Variants in URB1 observed in about 807,000 individuals in gnomAD.
URB1 encodes URB1 ribosome biogenesis factor.
In URB1, 197 loss-of-function variants were observed where a neutral mutation model predicts 242.3. The ratio of observed to expected loss-of-function variants is 0.81; its 90% confidence interval spans 0.72 to 0.91. URB1 has a LOEUF of 0.91. URB1 is among the 40% of genes least tolerant of loss of function. The pLI, the probability that URB1 is intolerant of heterozygous loss-of-function variation, is 0.00. For synonymous variants in URB1, 1,153 were observed against 1,201.8 expected (o/e 0.96, Z 0.84); for missense variants, 2,721 against 2,860.5 (o/e 0.95, Z 1.11).
At chr21:32,360,578 T>C (rs1281407359) in intron 13 of URB1, among the ~76,000 whole-genome samples, 2 of 152,226 alleles carry the variant, frequency 1.3e-5, no homozygotes, top group Non-Finnish European at 2.9e-5. Context: ...ATTGTTACTT[T>C]TACAAGTTTG....
chr21:32,321,970 G>A lies in URB1; in HGVS notation c.5341-26C>T, dbSNP rs1034897051. 5 of 1,547,718 alleles carry A rather than the reference G, an allele frequency of 3.2e-6. No homozygotes were observed. The African/African-American group carries it at 4.1e-5, about 13-fold the overall frequency. ...CTATAACCCAGGCACACAAAAAACT[G>A]TTGTTAATAAGTGAAAGTCCTTTCA... On this transcript the variant is annotated intron_variant, in intron 33 of 38. Transcript: ENST00000382751.
At chr21:32,373,795 T>A (rs1305331878) in intron 6 of URB1, 23 bp from the exon 7 acceptor site, 2 of 1,489,840 alleles carry the variant, frequency 1.3e-6, no homozygotes, top group Non-Finnish European at 1.8e-6. Flanking sequence ...TAAAACAAAT[T>A]ATTAAAAAAC....
At chr21:32,360,620 A>T (rs1253574398) in intron 13 of URB1, among the ~76,000 whole-genome samples, 1 of 152,208 alleles carries the variant, frequency 6.6e-6, no homozygotes, top group African/African-American at 2.4e-5. Flanking sequence ...AGATGAAGTA[A>T]CTATGTCAAA....
intron 26 of URB1, 146 bp downstream of exon 26, chr21:32,338,561 G>A: frequency 1.1e-6 from 1 of 933,946 alleles, no homozygotes; most frequent in Non-Finnish European, 1.6e-6. Context: ...CCCTGGATTT[G>A]ACAGAAATAA....
At chr21:32,353,013 T>C (rs1381972081) in intron 18 of URB1, 107 bp from the exon 19 acceptor site, 2 of 1,166,756 alleles carry the variant, frequency 1.7e-6, no homozygotes, top group Non-Finnish European at 2.4e-6. Flanking sequence ...GAAAAATTCA[T>C]GCAACTCCAT....
intron 25 of URB1, 35 bp from the exon 26 acceptor site, chr21:32,338,935 C>T (rs1428705758): frequency 6.8e-7 from 1 of 1,478,170 alleles, no homozygotes; most frequent in African/African-American, 1.4e-5. Flanking sequence ...AAGAGCTTTG[C>T]TAAAAGGAAA....
intron 12 of URB1, 73 bp downstream of exon 12, chr21:32,361,819 C>G: frequency 6.7e-7 from 1 of 1,498,326 alleles, no homozygotes; most frequent in Non-Finnish European, 8.9e-7. Context: ...TGGATAGGAG[C>G]TATCCTAGGC....
chr21:32,363,477 A>T, intron 10 of URB1, 148 bp from the exon 11 acceptor site: 2 of 931,684 alleles, frequency 2.1e-6, no homozygotes, highest in South Asian at 3.6e-5. Flanking sequence ...AGAAGAGGCG[A>T]CCTGGGTACC....
intron 38 of URB1, among the ~76,000 whole-genome samples, chr21:32,315,475 G>A (rs1439911367): frequency 4.6e-5 from 7 of 152,134 alleles, no homozygotes; most frequent in East Asian, 3.9e-4. Context: ...CACCACGCCC[G>A]GCTAATTTTT....
chr21:32,374,414 C>T (rs1266908843), intron 6 of URB1, among the ~76,000 whole-genome samples: 2 of 152,108 alleles, frequency 1.3e-5, no homozygotes, highest in South Asian at 2.1e-4. Context: ...GATGCAACTC[C>T]CCCAGTTCAG....
intron 6 of URB1, 136 bp from the exon 7 acceptor site, chr21:32,373,908 T>TA: frequency 1.1e-6 from 1 of 872,958 alleles, no homozygotes; most frequent in African/African-American, 1.7e-5. Context: ...AAATTTGGTT[T>TA]AAAAAAAGGA....
intron 35 of URB1, among the ~76,000 whole-genome samples, chr21:32,320,091 G>C (rs1021744061): frequency 5.9e-5 from 9 of 152,228 alleles, no homozygotes; most frequent in Admixed American, 1.3e-4. Flanking sequence ...TGAGGACAGA[G>C]ACCCTGCACT....
intron 4 of URB1, among the ~76,000 whole-genome samples, chr21:32,380,710 C>T (rs1283580700): frequency 1.3e-5 from 2 of 152,240 alleles, no homozygotes; most frequent in African/African-American, 4.8e-5. Flanking sequence ...GATCTACACA[C>T]ACCTTGTGTT....
Position 32,385,669 on chromosome 21 carries a change from A to G in URB1, c.158T>C (p.Val53Ala), listed in dbSNP as rs1568834923. 1.3e-6 allele frequency: 2 copies of G among 1,551,612 alleles called. No homozygotes were observed. Among genetic ancestry groups the G allele is most frequent in the East Asian group, 4.9e-5 (2 of 40,926 alleles). Residue 53 changes from valine (V) to alanine (A), a missense_variant, in exon 2 of 39, where the codon GTG becomes GCG. Physicochemically the swap from Val to Ala is moderately conservative, Grantham distance 64. Transcript: ENST00000382751. Reference protein sequence around the residue: ...QGPGPGLEAFVSAAKKLPRED... With the variant: ...QGPGPGLEAFASAAKKLPRED... ...TCGTGGTAGCTTCTTGGCAGCAGAC[A>G]CAAACGCTTCCAAGCCTGAAAAAAA...
At chr21:32,334,731 G>T (rs921626574) in intron 28 of URB1, among the ~76,000 whole-genome samples, 13 of 152,182 alleles carry the variant, frequency 8.5e-5, no homozygotes, top group Non-Finnish European at 8.8e-5. Context: ...CAGATGGTAT[G>T]TTGCAGGGCT....
chr21:32,369,146 C>T (rs2033379689), intron 8 of URB1, among the ~76,000 whole-genome samples: 1 of 152,132 alleles, frequency 6.6e-6, no homozygotes, highest in Non-Finnish European at 1.5e-5. Context: ...AGTTCAAGAC[C>T]TTGGCCTTGA....
At chr21:32,339,183 G>A (rs982854338) in intron 25 of URB1, among the ~76,000 whole-genome samples, 5 of 152,084 alleles carry the variant, frequency 3.3e-5, no homozygotes, top group Admixed American at 1.3e-4. Context: ...TAGTAGAGAC[G>A]TGACTTCACC....
In URB1 at chr21:32,322,662, C is replaced by T. The variant is rs1284104363; in HGVS notation, c.5234-78G>A. 4.9e-6 allele frequency: 5 copies of T among 1,023,776 alleles called. No homozygotes were observed. The African/African-American group carries it at 6.3e-5, about 13-fold the overall frequency. 63.4% of individuals were successfully genotyped at this position (1,023,776 alleles called of 1,614,324 possible). On this transcript the variant is annotated intron_variant, in intron 32 of 38. Transcript: ENST00000382751. ...TGGTCTGGCAGCACTAAGAGGCAGG[C>T]ATTCTGGGTATCAGACATAAATCCC... is the stretch of plus-strand genomic sequence containing the variant.
In URB1 at chr21:32,325,345, C is replaced by G. The variant is rs1392019395; in HGVS notation, c.5005G>C (p.Gly1669Arg). The G allele has an allele frequency of 6.4e-7, 1 of 1,551,430 alleles. No individual in the cohort carries two copies. The highest frequency in any genetic ancestry group is 8.7e-7 in the Non-Finnish European group (1 of 1,146,904). Residue 1669 changes from glycine to arginine, a missense_variant, in exon 31 of 39, where the codon GGC (glycine) becomes CGC (arginine). Gly to Arg is a moderately radical substitution (Grantham distance 125, BLOSUM62 -2). Transcript: ENST00000382751. ...CRKFLDSNAL[G>R]LTVTALSSYD... ...CTGCTGAGGGCTGTGACAGTTAGGCCCAGAGCATTTGAATCCAAAAATTTT... is the reference window on the plus strand; with the variant it reads ...CTGCTGAGGGCTGTGACAGTTAGGCGCAGAGCATTTGAATCCAAAAATTTT...
Sources: allele counts gnomAD v4.1 joint callset (sites outside exome capture counted in the v4.1 genomes callset), GRCh38; gene constraint gnomAD v4.1.1; transcripts MANE v1.5; gene names NCBI Gene and HGNC (gene_info 2026-07-23, HGNC 2026-07-21).